NTNG1: variants seen among roughly 807,000 people sequenced by gnomAD.
NTNG1 encodes the protein netrin-G1.
NTNG1 carries 16 observed loss-of-function variants against 54.0 expected under a neutral mutation model. That is an observed-to-expected ratio of 0.30 (90% confidence interval 0.20 to 0.45). The LOEUF (loss-of-function observed/expected upper bound fraction) is 0.45, where lower values mean the gene tolerates loss of function less well. Among genes scored for constraint, NTNG1 ranks in the 20% least tolerant of loss-of-function variants. The pLI is 1.00. For synonymous variants in NTNG1, 255 were observed against 263.1 expected (o/e 0.97, Z 0.30); for missense variants, 530 against 678.7 (o/e 0.78, Z 2.43).
intron 5 of NTNG1, 33 bp from the exon 6 acceptor site, chr1:107,430,717 C>T: frequency 6.2e-7 from 1 of 1,609,784 alleles, no homozygotes; most frequent in Non-Finnish European, 8.5e-7. Flanking sequence ...CTACTGTATA[C>T]ACTCTGTATA....
chr1:107,165,955 G>A (rs1655763372), intron 2 of NTNG1, among the ~76,000 whole-genome samples: 1 of 152,164 alleles, frequency 6.6e-6, no homozygotes, highest in Admixed American at 6.5e-5. Context: ...ATGTATTTAT[G>A]AAATTCCTTG....
chr1:107,208,259 C>T (rs551922849), intron 2 of NTNG1, among the ~76,000 whole-genome samples: 5 of 151,934 alleles, frequency 3.3e-5, no homozygotes, highest in South Asian at 4.2e-4. Flanking sequence ...GAGAAACCCC[C>T]GTCTCTACTA....
chr1:107,419,073 G>C (rs1481807271), intron 5 of NTNG1, among the ~76,000 whole-genome samples: 1 of 152,006 alleles, frequency 6.6e-6, no homozygotes, highest in Admixed American at 6.6e-5. Flanking sequence ...ACACCTAACA[G>C]ATCTGTTTTC....
chr1:107,376,429 C>G (rs11185101), intron 3 of NTNG1, among the ~76,000 whole-genome samples: 1 of 116,086 alleles, frequency 8.6e-6, no homozygotes, highest in Non-Finnish European at 1.9e-5. Flanking sequence ...AAAAAAAAAA[C>G]AAAAAAAAAA....
chr1:107,205,538 C>G (rs1659111396), intron 2 of NTNG1, among the ~76,000 whole-genome samples: 2 of 152,078 alleles, frequency 1.3e-5, no homozygotes. Context: ...GCAGAACCTC[C>G]AAGTGTGAAA....
At chr1:107,284,515 T>C (rs2101739633) in intron 2 of NTNG1, among the ~76,000 whole-genome samples, 1 of 152,166 alleles carries the variant, frequency 6.6e-6, no homozygotes, top group South Asian at 2.1e-4. Context: ...CTTAAGAAAA[T>C]TGGCCTAATA....
chr1:107,364,625 C>G (rs1031731886), intron 3 of NTNG1, among the ~76,000 whole-genome samples: 1 of 152,204 alleles, frequency 6.6e-6, no homozygotes, highest in African/African-American at 2.4e-5. Flanking sequence ...CTGATCAAAA[C>G]TGCACCCCTT....
intron 7 of NTNG1, among the ~76,000 whole-genome samples, chr1:107,478,138 T>C (rs1375613919): frequency 6.6e-6 from 1 of 152,194 alleles, no homozygotes; most frequent in African/African-American, 2.4e-5. Context: ...TCAGGTAAGA[T>C]CCATAATTAG....
At chr1:107,242,715 A>G (rs1661926450) in intron 2 of NTNG1, among the ~76,000 whole-genome samples, 1 of 152,178 alleles carries the variant, frequency 6.6e-6, no homozygotes, top group Non-Finnish European at 1.5e-5. Flanking sequence ...GCTGCAGTAA[A>G]CAAAAGATCT....
At chr1:107,420,345 G>A (rs1390691696) in intron 5 of NTNG1, among the ~76,000 whole-genome samples, 2 of 152,068 alleles carry the variant, frequency 1.3e-5, no homozygotes, top group East Asian at 1.9e-4. Context: ...TTAGCGAAAG[G>A]TGCACTTTGT....
chr1:107,345,650 G>C (rs2101940174), intron 3 of NTNG1, among the ~76,000 whole-genome samples: 1 of 152,264 alleles, frequency 6.6e-6, no homozygotes, highest in South Asian at 2.1e-4. Flanking sequence ...ATCTCAAACA[G>C]TCTGAATGTC....
chr1:107,341,622 T>C (rs1190983932), intron 3 of NTNG1, among the ~76,000 whole-genome samples: 1 of 152,090 alleles, frequency 6.6e-6, no homozygotes, highest in African/African-American at 2.4e-5. Context: ...ATCATGCTTA[T>C]AAAAGATTCA....
chr1:107,363,935 A>T (rs191009601), intron 3 of NTNG1, among the ~76,000 whole-genome samples: 2 of 152,246 alleles, frequency 1.3e-5, no homozygotes, highest in Admixed American at 1.3e-4. Flanking sequence ...TCTAGGTAAC[A>T]TTTGGGGGAA....
chr1:107,445,488 C>T (rs572640469), intron 7 of NTNG1, among the ~76,000 whole-genome samples: 102 of 152,242 alleles, frequency 6.7e-4, no homozygotes, highest in Non-Finnish European at 1.0e-3. Context: ...TATGCATTAT[C>T]TCATTCCACA....
At chr1:107,412,534 TG>T (rs1301590515) in intron 5 of NTNG1, among the ~76,000 whole-genome samples, 1 of 152,220 alleles carries the variant, frequency 6.6e-6, no homozygotes, top group Non-Finnish European at 1.5e-5. Flanking sequence ...GTAGATTAAT[TG>T]CCTCCTACCC....
chr1:107,443,110 TC>T (rs1676075300), intron 7 of NTNG1, among the ~76,000 whole-genome samples: 1 of 152,020 alleles, frequency 6.6e-6, no homozygotes, highest in African/African-American at 2.4e-5. Context: ...CTCTTCAACT[TC>T]CCAGCTTTAA....
intron 2 of NTNG1, among the ~76,000 whole-genome samples, chr1:107,323,606 T>C (rs1281037924): frequency 6.6e-6 from 1 of 152,136 alleles, no homozygotes; most frequent in Non-Finnish European, 1.5e-5. Context: ...GCCCCAAGAC[T>C]TTCCTGAACA....
chr1:107,307,161 A>G (rs1025715401), intron 2 of NTNG1, among the ~76,000 whole-genome samples: 1 of 152,250 alleles, frequency 6.6e-6, no homozygotes, highest in Non-Finnish European at 1.5e-5. Context: ...CCACAAGAAT[A>G]ACTTGGGACC....
intron 2 of NTNG1, among the ~76,000 whole-genome samples, chr1:107,316,515 C>A (rs74441522): frequency 6.2e-4 from 94 of 152,298 alleles, no homozygotes; most frequent in Admixed American, 1.0e-3. Context: ...TGAGCACATA[C>A]CTCCAAATCT....
Sources: allele counts gnomAD v4.1 joint callset (sites outside exome capture counted in the v4.1 genomes callset), GRCh38; gene constraint gnomAD v4.1.1; transcripts MANE v1.5; gene names NCBI Gene and HGNC (gene_info 2026-07-23, HGNC 2026-07-21).